The following PARN variants were observed in gnomAD, a reference collection of about 807,000 sequenced individuals.
PARN encodes poly(A)-specific ribonuclease PARN.
PARN carries 71 observed loss-of-function variants against 102.8 expected under a neutral mutation model. The ratio of observed to expected loss-of-function variants is 0.69; its 90% CI spans 0.57 to 0.84. PARN has a LOEUF of 0.84. PARN is among the 40% of genes least tolerant of loss of function. The pLI is 0.00. For missense variants in PARN, 782 were observed against 760.9 expected (o/e 1.03, Z -0.33); for synonymous variants, 261 against 252.9 (o/e 1.03, Z -0.30).
At chr16:14,485,725 C>A (rs1162886440) in intron 21 of PARN, among the ~76,000 whole-genome samples, 1 of 152,010 alleles carries the variant, frequency 6.6e-6, no homozygotes, top group Non-Finnish European at 1.5e-5. Flanking sequence ...TCTTGCTCTG[C>A]CGCCTACGCT....
chr16:14,488,872 C>CA (rs974390272), intron 21 of PARN, among the ~76,000 whole-genome samples: 1,892 of 127,164 alleles, frequency 0.015, 13 homozygotes, highest in Admixed American at 0.018. Flanking sequence ...CAATAGTTTC[C>CA]AAAAAAAAAA....
chr16:14,471,331 T>C (rs555415903), intron 22 of PARN, among the ~76,000 whole-genome samples: 1 of 152,296 alleles, frequency 6.6e-6, no homozygotes, highest in African/African-American at 2.4e-5. Context: ...TGAACTCAAA[T>C]GTGATAACTC....
chr16:14,612,672 A>G (rs949685206), intron 6 of PARN, among the ~76,000 whole-genome samples: 1 of 151,644 alleles, frequency 6.6e-6, no homozygotes, highest in Non-Finnish European at 1.5e-5. Flanking sequence ...ATCTCGGCTC[A>G]CTGCAACCGC....
At chr16:14,449,488 T>C (rs1961354352) in intron 22 of PARN, among the ~76,000 whole-genome samples, 2 of 152,182 alleles carry the variant, frequency 1.3e-5, no homozygotes, top group African/African-American at 4.8e-5. Flanking sequence ...AATCCAGACA[T>C]AATAAAGGAT....
intron 21 of PARN, among the ~76,000 whole-genome samples, chr16:14,505,625 A>G (rs1349533477): frequency 1.3e-5 from 2 of 152,178 alleles, no homozygotes; most frequent in South Asian, 2.1e-4. Context: ...TGTGGTTCAT[A>G]CAATTATAAG....
At chr16:14,534,312 C>T (rs936480692) in intron 21 of PARN, among the ~76,000 whole-genome samples, 1 of 151,602 alleles carries the variant, frequency 6.6e-6, no homozygotes. Context: ...AAAATACCTT[C>T]CTAATTATTC....
chr16:14,474,617 C>CAA (rs1305772883), intron 22 of PARN, among the ~76,000 whole-genome samples: 3 of 152,144 alleles, frequency 2.0e-5, no homozygotes, highest in Non-Finnish European at 4.4e-5. Flanking sequence ...GATGAGAAAA[C>CAA]AGAGGCACAC....
chr16:14,582,332 T>G, intron 16 of PARN, 41 bp from the exon 17 acceptor site: 1 of 1,311,446 alleles, frequency 7.6e-7, no homozygotes, highest in Non-Finnish European at 1.1e-6. Flanking sequence ...AAACAAAGAC[T>G]AGTAAGCACA....
intron 18 of PARN, among the ~76,000 whole-genome samples, chr16:14,575,886 T>C (rs1210752032): frequency 6.6e-6 from 1 of 152,092 alleles, no homozygotes; most frequent in Non-Finnish European, 1.5e-5. Flanking sequence ...GATACAATTA[T>C]GGGGCAGGTC....
intron 22 of PARN, among the ~76,000 whole-genome samples, chr16:14,468,925 A>AGAT (rs1555481203): frequency 5.5e-5 from 8 of 146,076 alleles, no homozygotes; most frequent in Non-Finnish European, 9.0e-5. Flanking sequence ...ATAGATAGAT[A>AGAT]AAATAAAATA....
At chr16:14,568,844 G>C (rs753477098) in intron 18 of PARN, among the ~76,000 whole-genome samples, 50 of 151,988 alleles carry the variant, frequency 3.3e-4, no homozygotes, top group Non-Finnish European at 5.7e-4. Context: ...GCAGTGAGCC[G>C]AGATCACGCC....
At chr16:14,619,966 A>C (rs954228638) in intron 5 of PARN, among the ~76,000 whole-genome samples, 2 of 148,846 alleles carry the variant, frequency 1.3e-5, no homozygotes, top group African/African-American at 5.0e-5. Context: ...GCTACTCAGC[A>C]GGCTGAGGCA....
At chr16:14,517,251 G>A (rs1196864810) in intron 21 of PARN, among the ~76,000 whole-genome samples, 1 of 152,196 alleles carries the variant, frequency 6.6e-6, no homozygotes, top group East Asian at 1.9e-4. Flanking sequence ...TTTGGCTGAA[G>A]GTATATTAAC....
At chr16:14,513,388 C>T (rs1965301974) in intron 21 of PARN, among the ~76,000 whole-genome samples, 1 of 152,150 alleles carries the variant, frequency 6.6e-6, no homozygotes, top group African/African-American at 2.4e-5. Flanking sequence ...GAAGCCATGG[C>T]CCATGGATTC....
chr16:14,451,872 A>AAAAAAAAAAAAAAAAAAAATAC (rs1961471919), intron 22 of PARN, among the ~76,000 whole-genome samples: 1 of 66,002 alleles, frequency 1.5e-5, no homozygotes, highest in Non-Finnish European at 3.6e-5. Context: ...AAAAATACAA[A>AAAAAAAAAAAAAAAAAAAATAC]AAAAAAAAAA....
chr16:14,583,313 T>C (rs1969642947), intron 16 of PARN, among the ~76,000 whole-genome samples: 1 of 152,190 alleles, frequency 6.6e-6, no homozygotes, highest in Non-Finnish European at 1.5e-5. Context: ...AAGGTTACTA[T>C]AACACAGAAT....
Position 14,538,058 on chromosome 16 carries a change from G to T in PARN, c.1480+13963C>A, listed in dbSNP as rs145600834. On this transcript the variant is annotated intron_variant, in intron 21 of 23. Transcript: ENST00000437198. ...ATGTGACTCTGAATCCCATAAATAT[G>T]TACGTACAATGATCATGTGTCAACT... 2.6e-3 allele frequency among the ~76,000 whole-genome samples: 395 copies of T among 152,066 alleles called. 11 individuals carry two copies. The East Asian group carries it at 0.061, about 24-fold the overall frequency.
At chr16:14,464,560 A>G (rs554266656) in intron 22 of PARN, among the ~76,000 whole-genome samples, 1 of 152,220 alleles carries the variant, frequency 6.6e-6, no homozygotes, top group East Asian at 1.9e-4. Context: ...GTTCAAGACC[A>G]GACTGGCCAA....
chr16:14,456,185 A>T (rs1567289873), intron 22 of PARN, among the ~76,000 whole-genome samples: 3 of 147,294 alleles, frequency 2.0e-5, no homozygotes, highest in Non-Finnish European at 1.5e-5. Context: ...TTTTTTTTTT[A>T]AACTGATGGG....
Sources: gnomAD v4.1 joint callset for allele counts (sites outside exome capture counted in the v4.1 genomes callset) on GRCh38, gnomAD v4.1.1 for gene constraint, MANE v1.5 for transcripts, NCBI Gene and HGNC (gene_info 2026-07-23, HGNC 2026-07-21) for gene names.